Variants in CACNA1C observed in about 807,000 individuals in gnomAD.
The protein encoded by CACNA1C is calcium voltage-gated channel subunit alpha1 C.
CACNA1C carries 30 observed loss-of-function variants against 229.0 expected under a neutral mutation model. The ratio of observed to expected loss-of-function variants is 0.13; its 90% CI spans 0.10 to 0.18. The LOEUF is 0.18. CACNA1C is among the 10% of genes least tolerant of loss of function. The probability of loss-of-function intolerance (pLI) is 1.00; values close to 1 mark genes in which losing one functional copy is unlikely to be tolerated. For synonymous variants in CACNA1C, 1,114 were observed against 1,132.5 expected (o/e 0.98, Z 0.33); for missense variants, 1,658 against 2,845.0 (o/e 0.58, Z 9.49).
chr12:2,370,859 G>T (rs1567292230), intron 3 of CACNA1C, among the ~76,000 whole-genome samples: 1 of 152,180 alleles, frequency 6.6e-6, no homozygotes, highest in Non-Finnish European at 1.5e-5. Flanking sequence ...TGCCTTGGTG[G>T]CAGTCTGCGG....
At chr12:2,409,858 C>T (rs763383965) in intron 3 of CACNA1C, among the ~76,000 whole-genome samples, 12 of 152,118 alleles carry the variant, frequency 7.9e-5, no homozygotes, top group Non-Finnish European at 1.0e-4. Flanking sequence ...GTGGAGGCAA[C>T]GCAGGTGTGA....
At chr12:2,093,570 C>G (rs193210795) in intron 1 of CACNA1C, among the ~76,000 whole-genome samples, 1 of 152,342 alleles carries the variant, frequency 6.6e-6, no homozygotes, top group African/African-American at 2.4e-5. Flanking sequence ...CGTGCATGTA[C>G]TCAAGGGTGA....
At chr12:2,037,214 G>A (rs2049305191) in intron 1 of CACNA1C, among the ~76,000 whole-genome samples, 2 of 152,246 alleles carry the variant, frequency 1.3e-5, no homozygotes, top group South Asian at 2.1e-4. Context: ...ATCATGAGAC[G>A]GAGTAATCTG....
At chr12:2,497,009 A>C (rs888599886) in intron 7 of CACNA1C, among the ~76,000 whole-genome samples, 1 of 152,226 alleles carries the variant, frequency 6.6e-6, no homozygotes, top group Non-Finnish European at 1.5e-5. Flanking sequence ...GGAAGAACCT[A>C]ATGTGTAACG....
chr12:2,150,621 C>T (rs1000361755), intron 3 of CACNA1C, among the ~76,000 whole-genome samples: 1 of 152,314 alleles, frequency 6.6e-6, no homozygotes, highest in South Asian at 2.1e-4. Flanking sequence ...TTCATTCCTT[C>T]TGTGAGTTCT....
chr12:2,477,543 A>T (rs1184976793), intron 5 of CACNA1C, among the ~76,000 whole-genome samples: 2 of 152,026 alleles, frequency 1.3e-5, no homozygotes, highest in Non-Finnish European at 2.9e-5. Flanking sequence ...CTGGCTGGGG[A>T]GTCGACCAGA....
intron 43 of CACNA1C, among the ~76,000 whole-genome samples, chr12:2,684,547 A>C (rs2097343417): frequency 6.6e-6 from 1 of 152,198 alleles, no homozygotes; most frequent in African/African-American, 2.4e-5. Flanking sequence ...TTAAGAACCC[A>C]GTCTCCATCC....
chr12:2,330,839 A>G (rs1399118383), intron 3 of CACNA1C, among the ~76,000 whole-genome samples: 2 of 152,248 alleles, frequency 1.3e-5, no homozygotes, highest in African/African-American at 4.8e-5. Flanking sequence ...GCCACAATAT[A>G]TTCCAAGTTG....
chr12:2,056,723 C>T (rs1221467598), intron 1 of CACNA1C, among the ~76,000 whole-genome samples: 7 of 152,066 alleles, frequency 4.6e-5, no homozygotes, highest in Non-Finnish European at 1.0e-4. Context: ...TTTTCTTGAT[C>T]CTGCATGGAG....
intron 31 of CACNA1C, among the ~76,000 whole-genome samples, chr12:2,650,837 C>T (rs82602): frequency 2.6e-5 from 4 of 152,052 alleles, no homozygotes; most frequent in Admixed American, 2.6e-4. Context: ...CTGCAGAAGC[C>T]TCACTTGCAA....
chr12:2,569,091 G>C (rs570411422), intron 13 of CACNA1C, among the ~76,000 whole-genome samples: 1 of 152,196 alleles, frequency 6.6e-6, no homozygotes, highest in Admixed American at 6.5e-5. Context: ...ACTGCAGATG[G>C]TGTTCACCCT....
intron 8 of CACNA1C, among the ~76,000 whole-genome samples, chr12:2,505,850 G>C (rs2099770459): frequency 6.6e-6 from 1 of 152,160 alleles, no homozygotes; most frequent in African/African-American, 2.4e-5. Context: ...TTGCCACTTG[G>C]GGGAGGGGGG....
At position 2,054,354 on chromosome 12, in the gene CACNA1C, T is replaced by C. The variant is rs1020185791; in HGVS notation, c.49+743T>C. Among the ~76,000 whole-genome samples, 4 of 152,156 alleles carry C rather than the reference T, an allele frequency of 2.6e-5. No homozygotes were observed. The highest frequency in any genetic ancestry group is 4.4e-5 in the Non-Finnish European group (3 of 68,018). On this transcript the variant is annotated intron_variant, in intron 1 of 46. Coordinates refer to ENST00000399655, the MANE Select transcript of CACNA1C (RefSeq NM_000719.7). This position sits in a 1 kb window ranked among gnomAD's most constrained non-coding sequence, Gnocchi z 5.5. ...TCGCACCCACATGTGGGCTAGCACC[T>C]GAGGATGGAAGCGGCGAGGAGCCGG...
chr12:2,364,180 T>C (rs1277813846), intron 3 of CACNA1C, among the ~76,000 whole-genome samples: 1 of 152,244 alleles, frequency 6.6e-6, no homozygotes, highest in African/African-American at 2.4e-5. Flanking sequence ...CTCCTTTTAG[T>C]TCTCTTTTTT....
At chr12:2,294,142 A>G (rs750856850) in intron 3 of CACNA1C, among the ~76,000 whole-genome samples, 5 of 152,248 alleles carry the variant, frequency 3.3e-5, no homozygotes, top group African/African-American at 9.6e-5. Context: ...GATTGGTAAT[A>G]TATTAATGAA....
chr12:2,459,751 A>G (rs1264207568), intron 5 of CACNA1C, among the ~76,000 whole-genome samples: 1 of 152,184 alleles, frequency 6.6e-6, no homozygotes, highest in Non-Finnish European at 1.5e-5. Flanking sequence ...GGAGCTTGTA[A>G]TGGTACCGCC....
Position 2,679,045 on chromosome 12 carries a change from C to T in CACNA1C, c.5092-399C>T, listed in dbSNP as rs965184347. The stretch of plus-strand genomic sequence containing the variant: ...GAATCTTCTGGTCGCTCTCCCAGCC[C>T]CCGCCCTCACGGTGTGCTGGCTGCT... On this transcript the variant is annotated intron_variant, in intron 41 of 46. Coordinates refer to ENST00000399655, the MANE Select transcript of CACNA1C (RefSeq NM_000719.7). The surrounding 1 kb of genome is among the most constrained non-coding windows in gnomAD (Gnocchi z 5.5). 6.6e-6 allele frequency among the ~76,000 whole-genome samples: 1 copy of T among 152,212 alleles called. No individual in the cohort carries two copies. Among genetic ancestry groups the T allele is most frequent in the Admixed American group, 6.5e-5 (1 of 15,290 alleles).
intron 3 of CACNA1C, among the ~76,000 whole-genome samples, chr12:2,386,440 A>G (rs2098392391): frequency 6.6e-6 from 1 of 152,070 alleles, no homozygotes; most frequent in Non-Finnish European, 1.5e-5. Flanking sequence ...GCCACACACA[A>G]CCAACTGCAG....
intron 1 of CACNA1C, among the ~76,000 whole-genome samples, chr12:2,056,281 C>T (rs948738165): frequency 6.6e-6 from 1 of 151,162 alleles, no homozygotes; most frequent in Non-Finnish European, 1.5e-5. Flanking sequence ...CTGGGAACAG[C>T]CTGGAAGTTC....
Sources: allele counts gnomAD v4.1 joint callset (sites outside exome capture counted in the v4.1 genomes callset), GRCh38; gene constraint gnomAD v4.1.1; non-coding constraint Gnocchi (gnomAD v3.1); transcripts MANE v1.5; gene names NCBI Gene and HGNC (gene_info 2026-07-23, HGNC 2026-07-21).